ZNF624: variants seen among roughly 807,000 people sequenced by gnomAD.
ZNF624 encodes zinc finger protein 624.
ZNF624 carries 43 observed loss-of-function variants against 74.7 expected under a neutral mutation model. That is an observed-to-expected ratio of 0.58 (90% CI 0.45 to 0.74). The LOEUF (loss-of-function observed/expected upper bound fraction) is 0.74, where lower values mean the gene tolerates loss of function less well. Ranked by LOEUF, ZNF624 falls within the 30% of genes least tolerant of loss-of-function variation. ZNF624 has a pLI of 0.00. For synonymous variants in ZNF624, 331 were observed against 341.3 expected, an observed-to-expected ratio of 0.97 and a Z score of 0.33; for missense variants, 820 against 1,030.0, an observed-to-expected ratio of 0.80 and a Z score of 2.79.
chr17:16,648,753 AAC>A (rs374612348), intron 2 of ZNF624, among the ~76,000 whole-genome samples: 9 of 151,424 alleles, frequency 5.9e-5, no homozygotes, highest in Non-Finnish European at 8.9e-5. Flanking sequence ...AGGACACTCA[AAC>A]ACACACACAC....
rs996729457 is a variant in ZNF624 at position 16,639,754 on chromosome 17, T to C, written c.154-4998A>G. ...TGATAAAGAATACAGACTTTACAGA[T>C]TGGTCCAGGAAAGTTTCTAAACAAA... On this transcript the variant is annotated intron_variant, in intron 3 of 5. Transcript: ENST00000311331. Among the ~76,000 whole-genome samples the C allele has an allele frequency of 5.3e-5, 8 of 152,210 alleles. No homozygotes were observed. The East Asian group carries it at 1.2e-3, about 22-fold the overall frequency.
chr17:16,618,219 C>T (rs1209732477), downstream of ZNF624, among the ~76,000 whole-genome samples: 1 of 151,976 alleles, frequency 6.6e-6, no homozygotes, highest in Non-Finnish European at 1.5e-5. Context: ...GTGGCAGGCA[C>T]CTGTAAATCC....
chr17:16,643,217 G>A (rs188132324), intron 3 of ZNF624, among the ~76,000 whole-genome samples: 10 of 152,222 alleles, frequency 6.6e-5, no homozygotes, highest in Admixed American at 2.6e-4. Flanking sequence ...ACACAAAAAC[G>A]TATACACAAA....
intron 2 of ZNF624, among the ~76,000 whole-genome samples, chr17:16,647,860 A>G (rs1909630770): frequency 1.3e-5 from 2 of 152,144 alleles, no homozygotes; most frequent in African/African-American, 2.4e-5. Context: ...GCAACCTCTC[A>G]TAACATTGTT....
downstream of ZNF624, among the ~76,000 whole-genome samples, chr17:16,619,048 A>G (rs1908848309): frequency 6.6e-6 from 1 of 152,226 alleles, no homozygotes; most frequent in Admixed American, 6.5e-5. Flanking sequence ...TAATAAAAGC[A>G]TACAACGAGA....
At position 16,622,528 on chromosome 17, in the gene ZNF624, T is replaced by C. The variant is rs1214367247; in HGVS notation, c.2358A>G (p.Gly786=). ...GEKPYTCKEC[G]KGCITLSQLT... The stretch of plus-strand genomic sequence containing the variant: ...GCTGTGATAGAGTAATACAACCCTT[T>C]CCACATTCCTTACAGGTGTAGGGTT... The change falls in exon 6 of 6, where the codon GGA becomes GGG. Residue 786 remains glycine, a synonymous_variant. Transcript: ENST00000311331. 6.2e-7 allele frequency: 1 copy of C among 1,613,850 alleles called. No individual in the cohort carries two copies. The highest frequency in any genetic ancestry group is 1.3e-5 in the African/African-American group (1 of 74,904).
intron 3 of ZNF624, among the ~76,000 whole-genome samples, chr17:16,635,321 T>C (rs769161632): frequency 6.6e-6 from 1 of 152,186 alleles, no homozygotes; most frequent in Non-Finnish European, 1.5e-5. Context: ...TATGTATATG[T>C]ATTAAAAAAT....
chr17:16,628,296 A>G (rs984615284), intron 5 of ZNF624, among the ~76,000 whole-genome samples: 6 of 152,134 alleles, frequency 3.9e-5, no homozygotes, highest in Non-Finnish European at 5.9e-5. Flanking sequence ...GGAGACAAAA[A>G]TCAAAAGTCA....
chr17:16,650,075 G>A (rs80114342), intron 1 of ZNF624, among the ~76,000 whole-genome samples: 3,138 of 152,196 alleles, frequency 0.021, 54 homozygotes, highest in Middle Eastern at 0.071. Flanking sequence ...CCAAGGCCAT[G>A]CAGATACATG....
chr17:16,615,968 T>C (rs1255254316), downstream of ZNF624, among the ~76,000 whole-genome samples: 43 of 62,180 alleles, frequency 6.9e-4, no homozygotes, highest in East Asian at 0.012. Flanking sequence ...TATATATATA[T>C]ATATATATAT....
At chr17:16,645,486 CT>C (rs1258215907) in intron 3 of ZNF624, among the ~76,000 whole-genome samples, 7 of 151,972 alleles carry the variant, frequency 4.6e-5, no homozygotes, top group Admixed American at 2.0e-4. Context: ...TGATGTGTTC[CT>C]TTTGGTCTGA....
At chr17:16,617,901 C>A (rs1327326467), downstream of ZNF624, 9 of 1,518,718 alleles carry the variant, frequency 5.9e-6, no homozygotes. Context: ...GGGCGGGGGC[C>A]CAAGGGCTGG....
rs145668972 is a variant in ZNF624, at chr17:16,653,440, G to A, written c.-3+324C>T. 910 of 152,504 alleles carry A rather than the reference G, an allele frequency of 6.0e-3. 10 individuals carry two copies. The highest frequency in any genetic ancestry group is 0.021 in the African/African-American group (865 of 41,594). The allele number at this position is 152,504 out of a possible 1,614,324, so 9.4% of individuals were successfully genotyped here. ...ACCGGGAAAGTCGGGTCAGGGGCCC[G>A]CCCGCCCTACTCGACTCCCTGCGCC... On this transcript the variant is annotated intron_variant, in intron 1 of 5. Transcript: ENST00000311331.
chr17:16,639,729 T>C (rs899737995), intron 3 of ZNF624, among the ~76,000 whole-genome samples: 8 of 152,192 alleles, frequency 5.3e-5, no homozygotes, highest in Non-Finnish European at 1.5e-5. Flanking sequence ...TGGCTATACA[T>C]GATAAAGAAT....
At chr17:16,620,369 C>T (rs568601917), downstream of ZNF624, among the ~76,000 whole-genome samples, 2 of 152,148 alleles carry the variant, frequency 1.3e-5, no homozygotes, top group Non-Finnish European at 2.9e-5. Context: ...ATGCAAAGTT[C>T]AGAAGCTTTA....
At chr17:16,630,989 C>T (rs1358188763) in intron 5 of ZNF624, among the ~76,000 whole-genome samples, 1 of 17,066 alleles carries the variant, frequency 5.9e-5, no homozygotes, top group Non-Finnish European at 9.2e-5. Context: ...GTACTCAATA[C>T]TCAATACCTA....
intron 3 of ZNF624, among the ~76,000 whole-genome samples, chr17:16,641,676 A>G (rs992655319): frequency 5.9e-5 from 9 of 152,252 alleles, no homozygotes; most frequent in African/African-American, 1.9e-4. Flanking sequence ...ACAGGAAAGG[A>G]GAAAGCAAAT....
At chr17:16,646,672 T>C (rs574540951) in intron 3 of ZNF624, among the ~76,000 whole-genome samples, 5 of 152,226 alleles carry the variant, frequency 3.3e-5, no homozygotes, top group Non-Finnish European at 7.3e-5. Context: ...GGGATTATCT[T>C]TTATCCTAGC....
Position 16,621,385 on chromosome 17 carries a change from ATGC to A in ZNF624, c.*900_*902del, listed in dbSNP as rs1428370115. ...TGTTTATTTACATTCTTATGCATTGATGCTGCTTTTATTTCTAACGGACAGATT... is the reference window on the plus strand; with the variant it reads ...TGTTTATTTACATTCTTATGCATTGATGCTTTTATTTCTAACGGACAGATT... On this transcript the variant is annotated 3_prime_UTR_variant, in exon 6 of 6. Transcript: ENST00000311331. 4 of 152,246 alleles carry A rather than the reference ATGC, an allele frequency of 2.6e-5. No homozygotes were observed. The highest frequency in any genetic ancestry group is 7.2e-5 in the African/African-American group (3 of 41,482). 9.4% of individuals were successfully genotyped at this position (152,246 alleles called of 1,614,324 possible).
Sources: gnomAD v4.1 joint callset for allele counts (sites outside exome capture counted in the v4.1 genomes callset) on GRCh38, gnomAD v4.1.1 for gene constraint, MANE v1.5 for transcripts, NCBI Gene and HGNC (gene_info 2026-07-23, HGNC 2026-07-21) for gene names.